The following RELN variants were observed in gnomAD, a reference collection of about 807,000 sequenced individuals.
RELN encodes reelin.
A neutral mutation model predicts 427.6 loss-of-function variants in RELN; 108 were observed. That is an observed-to-expected ratio of 0.25 (90% CI 0.22 to 0.30). The LOEUF (loss-of-function observed/expected upper bound fraction) is 0.30, where lower values mean the gene tolerates loss of function less well. Among genes scored for constraint, RELN ranks in the 10% least tolerant of loss-of-function variants. The pLI is 1.00. For synonymous variants in RELN, 1,524 were observed against 1,513.4 expected (o/e 1.01, Z -0.16); for missense variants, 3,715 against 4,302.8 (o/e 0.86, Z 3.82).
chr7:103,745,829 T>C (rs1790808678), intron 6 of RELN, among the ~76,000 whole-genome samples: 3 of 152,114 alleles, frequency 2.0e-5, no homozygotes, highest in African/African-American at 7.2e-5. Context: ...ATCGTGAAAA[T>C]GGCCATACTG....
rs1408000213 is a variant in RELN, at chr7:103,989,113, A to C, written c.226+18T>G. On this transcript the variant is annotated intron_variant, in intron 1 of 64. Transcript: ENST00000428762. The surrounding 1 kb of genome is among the most constrained non-coding windows in gnomAD (Gnocchi z 4.9). Reference sequence around the variant, plus strand: ...GCGCACCCGGCGGCGGCGAGCGCGGAGGTGCTGCGGTACCTACCATGGTAT... The same window carrying C: ...GCGCACCCGGCGGCGGCGAGCGCGGCGGTGCTGCGGTACCTACCATGGTAT... 6.2e-7 allele frequency: 1 copy of C among 1,608,954 alleles called. No individual in the cohort carries two copies. Among genetic ancestry groups the C allele is most frequent in the South Asian group, 1.1e-5 (1 of 90,942 alleles).
At chr7:103,781,213 C>T (rs149366848) in intron 3 of RELN, among the ~76,000 whole-genome samples, 1 of 151,700 alleles carries the variant, frequency 6.6e-6, no homozygotes, top group Non-Finnish European at 1.5e-5. Flanking sequence ...GCACTGCACT[C>T]CTTAGGGTGG....
chr7:103,496,674 G>A lies in RELN; in HGVS notation c.9045C>T (p.Asn3015=), dbSNP rs751381903. The change falls in exon 56 of 65, where the codon AAC becomes AAT. Residue 3015 remains asparagine, a synonymous_variant. Transcript: ENST00000428762. The part of the protein sequence containing the change: ...YILLPEDALT[N]TTRLRWWQPF... The stretch of plus-strand genomic sequence containing the variant: ...GCTGCCACCAGCGAAGTCGAGTTGT[G>A]TTGGTGAGGGCATCTTCAGGAAGAA... 6.2e-7 allele frequency: 1 copy of A among 1,614,180 alleles called. No individual in the cohort carries two copies. Among genetic ancestry groups the A allele is most frequent in the South Asian group, 1.1e-5 (1 of 91,086 alleles).
chr7:103,499,835 G>C (rs1319154207), intron 53 of RELN, among the ~76,000 whole-genome samples: 1 of 152,160 alleles, frequency 6.6e-6, no homozygotes, highest in East Asian at 1.9e-4. Flanking sequence ...TAAAATTTGA[G>C]TGCTCATGAA....
chr7:103,711,652 C>G (rs1298648998), intron 8 of RELN, among the ~76,000 whole-genome samples: 1 of 152,036 alleles, frequency 6.6e-6, no homozygotes, highest in East Asian at 1.9e-4. Context: ...TATATTTACA[C>G]ACACAAAAAA....
intron 1 of RELN, among the ~76,000 whole-genome samples, chr7:103,938,277 G>A (rs1049523849): frequency 4.6e-5 from 7 of 151,790 alleles, no homozygotes; most frequent in African/African-American, 7.3e-5. Flanking sequence ...CCGAGATTGC[G>A]CCATTGCACT....
chr7:103,862,409 T>TTCTATCTATCTATCTA (rs66998908), intron 2 of RELN, among the ~76,000 whole-genome samples: 30 of 144,838 alleles, frequency 2.1e-4, no homozygotes, highest in East Asian at 4.1e-4. Context: ...TATGCTTTTG[T>TTCTATCTATCTATCTA]TCTATCTATC....
intron 4 of RELN, among the ~76,000 whole-genome samples, chr7:103,756,620 G>A (rs972428686): frequency 6.6e-6 from 1 of 152,104 alleles, no homozygotes; most frequent in Non-Finnish European, 1.5e-5. Context: ...TTTAAAAAAT[G>A]CCAGAATAGA....
In RELN at chr7:103,856,826, T is replaced by G. The variant is rs151059655; in HGVS notation, c.338-23154A>C. Reference sequence around the variant, plus strand: ...CTTCTATTAGCAAATTTTTTTATCATGCATGCATAATTATATATTTGTCGA... The same window carrying G: ...CTTCTATTAGCAAATTTTTTTATCAGGCATGCATAATTATATATTTGTCGA... On this transcript the variant is annotated intron_variant, in intron 2 of 64. Coordinates refer to ENST00000428762, the MANE Select transcript of RELN (RefSeq NM_005045.4). Among the ~76,000 whole-genome samples the G allele has an allele frequency of 3.3e-5, 5 of 152,274 alleles. No individual in the cohort carries two copies. The South Asian group carries it at 8.3e-4, about 25-fold the overall frequency.
At chr7:103,773,876 C>T (rs1002181400) in intron 4 of RELN, among the ~76,000 whole-genome samples, 2 of 152,126 alleles carry the variant, frequency 1.3e-5, no homozygotes, top group African/African-American at 2.4e-5. Flanking sequence ...TCCATAGACC[C>T]GTCATTTGTA....
intron 46 of RELN, among the ~76,000 whole-genome samples, chr7:103,526,524 C>T (rs1829825902): frequency 6.6e-6 from 1 of 152,280 alleles, no homozygotes; most frequent in South Asian, 2.1e-4. Flanking sequence ...GGAATAACTA[C>T]ACCTAGTAAT....
intron 2 of RELN, among the ~76,000 whole-genome samples, chr7:103,847,175 C>T (rs560831125): frequency 1.3e-5 from 2 of 152,236 alleles, no homozygotes; most frequent in African/African-American, 2.4e-5. Flanking sequence ...AACCCAAATG[C>T]TCATCAATGA....
chr7:103,917,280 C>G (rs1330760376), intron 1 of RELN, 95 bp from the exon 2 acceptor site: 38 of 962,476 alleles, frequency 3.9e-5, no homozygotes. Context: ...AATCTTTACT[C>G]ATTAACAAAT....
intron 1 of RELN, among the ~76,000 whole-genome samples, chr7:103,921,512 CAAT>C (rs1385442167): frequency 6.6e-6 from 1 of 152,000 alleles, no homozygotes; most frequent in Non-Finnish European, 1.5e-5. Context: ...AGGAAAATAT[CAAT>C]ATTATCGATT....
Position 103,472,193 on chromosome 7 carries a change from A to C in RELN, c.*619T>G, listed in dbSNP as rs1028282926. On this transcript the variant is annotated 3_prime_UTR_variant, in exon 65 of 65. Transcript: ENST00000428762. ...ATCCACAAAACAACGCTAAACCAAC[A>C]TACATTTTTAAGGAGTATATTAAAG... The C allele has an allele frequency of 6.5e-6, 1 of 153,180 alleles. No individual in the cohort carries two copies. Among genetic ancestry groups the C allele is most frequent in the Non-Finnish European group, 1.5e-5 (1 of 68,460 alleles). 9.5% of individuals were successfully genotyped at this position (153,180 alleles called of 1,614,324 possible). A position where few individuals can be genotyped will look rare whatever the true frequency, so the allele number is the denominator to read the frequency against.
intron 46 of RELN, 146 bp downstream of exon 46, chr7:103,535,170 G>T: frequency 1.3e-6 from 1 of 787,570 alleles, no homozygotes; most frequent in Non-Finnish European, 2.2e-6. Flanking sequence ...TACTCATTAA[G>T]ACAGCCTTAA....
chr7:103,701,899 G>T (rs757660774), intron 8 of RELN, among the ~76,000 whole-genome samples: 6 of 152,144 alleles, frequency 3.9e-5, no homozygotes, highest in Non-Finnish European at 5.9e-5. Flanking sequence ...TCAGCAAATG[G>T]CATCTGTTGA....
intron 1 of RELN, among the ~76,000 whole-genome samples, chr7:103,926,315 C>T (rs1217686152): frequency 1.3e-5 from 2 of 151,984 alleles, no homozygotes; most frequent in Non-Finnish European, 2.9e-5. Flanking sequence ...AGGATGGTCT[C>T]GATCTCTTGA....
chr7:103,588,546 A>C (rs78066693), intron 28 of RELN, among the ~76,000 whole-genome samples: 8,363 of 152,248 alleles, frequency 0.055, 265 homozygotes, highest in East Asian at 0.15. Context: ...AAATATCCTG[A>C]CACAATCAGT....
Sources: gnomAD v4.1 joint callset for allele counts (sites outside exome capture counted in the v4.1 genomes callset) on GRCh38, gnomAD v4.1.1 for gene constraint, Gnocchi (gnomAD v3.1) non-coding constraint, MANE v1.5 for transcripts, NCBI Gene and HGNC (gene_info 2026-07-23, HGNC 2026-07-21) for gene names.